Variants in PIK3R3 observed in about 807,000 individuals in gnomAD.
PIK3R3 encodes the protein phosphoinositide-3-kinase regulatory subunit 3.
PIK3R3 carries 64 observed loss-of-function variants against 62.9 expected under a neutral mutation model. The observed-to-expected ratio is 1.02, with a 90% CI of 0.83 to 1.25. PIK3R3 has a LOEUF of 1.25. Ranked by LOEUF, PIK3R3 falls within the 50% of genes most tolerant of loss-of-function variation. The pLI, the probability that PIK3R3 is intolerant of heterozygous loss-of-function variation, is 0.00. For missense variants in PIK3R3, 614 were observed against 561.6 expected (o/e 1.09, Z -0.94); for synonymous variants, 165 against 189.0 (o/e 0.87, Z 1.04).
At chr1:46,132,686 C>G (rs1655738402), upstream of PIK3R3, 2 of 1,289,732 alleles carry the variant, frequency 1.6e-6, no homozygotes, top group Non-Finnish European at 2.0e-6. Context: ...CCTCCCCGCC[C>G]CATGCTGCCC....
the PIK3R3 span, among the ~76,000 whole-genome samples, chr1:46,140,647 G>C: frequency 1.3e-5 from 2 of 152,064 alleles, no homozygotes; most frequent in South Asian, 4.1e-4. Flanking sequence ...CAGTAATAGA[G>C]ATTGGAGTGA....
chr1:46,110,433 G>GC (rs966773259), intron 1 of PIK3R3, among the ~76,000 whole-genome samples: 7 of 151,760 alleles, frequency 4.6e-5, no homozygotes, highest in Non-Finnish European at 1.0e-4. Flanking sequence ...GAGCCACCAC[G>GC]CCCAGCCCAG....
In PIK3R3 at chr1:46,126,011, C is replaced by T. The variant is rs528356928; in HGVS notation, c.106+5836G>A. ...TCCTGACCTCGTAATCCGCCTGCCT[C>T]GGCCTCCCAAAGTGCTGGGATTACA... On this transcript the variant is annotated intron_variant, in intron 1 of 9. Coordinates refer to ENST00000262741, the MANE Select transcript of PIK3R3 (RefSeq NM_003629.4). Among the ~76,000 whole-genome samples the T allele has an allele frequency of 3.9e-5, 6 of 152,180 alleles. No individual in the cohort carries two copies. The East Asian group carries it at 9.7e-4, about 25-fold the overall frequency.
Position 46,055,812 on chromosome 1 carries a change from G to C in PIK3R3, c.924C>G (p.Ile308Met), listed in dbSNP as rs766184940. 3.8e-6 allele frequency: 6 copies of C among 1,573,264 alleles called. No individual in the cohort carries two copies. The highest frequency in any genetic ancestry group is 3.4e-6 in the Non-Finnish European group (4 of 1,161,048). Reference sequence around the variant, plus strand: ...CTACTTACACAAGGTGTTGATCTCGGATCTTTCGCAGCTGGATCAGGTCAG... The same window carrying C: ...CTACTTACACAAGGTGTTGATCTCGCATCTTTCGCAGCTGGATCAGGTCAG... ...IKPDLIQLRKIRDQHLVWLNH... is the reference protein window; with the variant it reads ...IKPDLIQLRKMRDQHLVWLNH... The change falls in exon 7 of 10, where the codon ATC becomes ATG. Residue 308 changes from isoleucine (I) to methionine (M), a missense_variant. Ile to Met is a conservative substitution (Grantham distance 10, BLOSUM62 1). Coordinates refer to ENST00000262741, the MANE Select transcript of PIK3R3 (RefSeq NM_003629.4).
chr1:46,078,416 C>T (rs1650265558), intron 2 of PIK3R3, among the ~76,000 whole-genome samples: 1 of 152,124 alleles, frequency 6.6e-6, no homozygotes, highest in Non-Finnish European at 1.5e-5. Context: ...AGGGCAAGCG[C>T]CTGTAATCCC....
intron 1 of PIK3R3, among the ~76,000 whole-genome samples, chr1:46,089,838 T>C (rs1651447084): frequency 6.6e-6 from 1 of 151,910 alleles, no homozygotes. Flanking sequence ...GTGATATAAA[T>C]ACACTGGAAA....
At chr1:46,050,936 G>A (rs189126659) in intron 7 of PIK3R3, among the ~76,000 whole-genome samples, 1 of 152,256 alleles carries the variant, frequency 6.6e-6, no homozygotes, top group East Asian at 1.9e-4. Context: ...AGTGAAAGAA[G>A]CCAGTCACAA....
chr1:46,089,064 C>A (rs1322855842), intron 1 of PIK3R3, among the ~76,000 whole-genome samples: 3 of 152,114 alleles, frequency 2.0e-5, no homozygotes, highest in African/African-American at 7.2e-5. Context: ...TTCAGATATA[C>A]AAGATCTCAA....
At chr1:46,046,478 C>T in intron 8 of PIK3R3, 73 bp downstream of exon 8, 1 of 963,342 alleles carries the variant, frequency 1.0e-6, no homozygotes, top group Non-Finnish European at 1.7e-6. Flanking sequence ...CCAATATTTA[C>T]CACGTATAAA....
At chr1:46,167,986 T>C in the PIK3R3 span, among the ~76,000 whole-genome samples, 2 of 152,002 alleles carry the variant, frequency 1.3e-5, no homozygotes, top group Non-Finnish European at 2.9e-5. Flanking sequence ...TGAAACCCTG[T>C]CTCTACTAAA....
chr1:46,065,414 A>AG (rs1334408600), intron 5 of PIK3R3, among the ~76,000 whole-genome samples: 1 of 152,236 alleles, frequency 6.6e-6, no homozygotes, highest in Admixed American at 6.5e-5. Context: ...TAAGTCTACT[A>AG]GTAAGCCCAC....
rs1301396023 is a variant in PIK3R3, at chr1:46,042,127, G to A, written c.*1546C>T. 2 of 220,648 alleles carry A rather than the reference G, an allele frequency of 9.1e-6. No individual in the cohort carries two copies. The highest frequency in any genetic ancestry group is 1.8e-5 in the Non-Finnish European group (2 of 110,110). 13.7% of individuals were successfully genotyped at this position (220,648 alleles called of 1,614,324 possible). ...ATTATGGTCCCAGGATTGGCTCAGA[G>A]GCAGCTGGACTCTATTTGTCAAATG... On this transcript the variant is annotated 3_prime_UTR_variant, in exon 10 of 10. Coordinates refer to ENST00000262741, the MANE Select transcript of PIK3R3 (RefSeq NM_003629.4). This position sits in a 1 kb window ranked among gnomAD's most constrained non-coding sequence, Gnocchi z 4.3.
intron 1 of PIK3R3, among the ~76,000 whole-genome samples, chr1:46,127,145 G>A (rs1655161805): frequency 6.6e-6 from 1 of 151,902 alleles, no homozygotes; most frequent in Admixed American, 6.6e-5. Context: ...GGCCAGCCTA[G>A]GCAACATGGC....
intron 1 of PIK3R3, among the ~76,000 whole-genome samples, chr1:46,090,331 TA>T (rs1168559090): frequency 4.1e-4 from 62 of 151,762 alleles, no homozygotes; most frequent in Admixed American, 1.6e-3. Context: ...TTTATTTATT[TA>T]TTTATTTATT....
intron 1 of PIK3R3, among the ~76,000 whole-genome samples, chr1:46,118,142 TAA>T (rs1387598314): frequency 6.6e-6 from 1 of 152,200 alleles, no homozygotes; most frequent in Non-Finnish European, 1.5e-5. Context: ...GGCATTACTT[TAA>T]AAGTTAGACT....
chr1:46,112,282 A>G (rs1557622809), intron 1 of PIK3R3, among the ~76,000 whole-genome samples: 1 of 152,370 alleles, frequency 6.6e-6, no homozygotes, highest in East Asian at 1.9e-4. Context: ...AAATACATAC[A>G]GACTTATAAC....
chr1:46,167,442 T>G, the PIK3R3 span, among the ~76,000 whole-genome samples: 3 of 152,174 alleles, frequency 2.0e-5, no homozygotes, highest in Non-Finnish European at 4.4e-5. Context: ...AGGAGCAGCC[T>G]CCTCCTCTAG....
chr1:46,171,598 T>C, the PIK3R3 span, among the ~76,000 whole-genome samples: 1 of 152,094 alleles, frequency 6.6e-6, no homozygotes, highest in African/African-American at 2.4e-5. Context: ...GCCATTGACC[T>C]ATTAGTGACA....
intron 1 of PIK3R3, among the ~76,000 whole-genome samples, chr1:46,099,583 G>A (rs780072914): frequency 1.3e-5 from 2 of 152,064 alleles, no homozygotes; most frequent in Non-Finnish European, 2.9e-5. Context: ...ATACAAGTAG[G>A]TATTTTTATT....
Sources: gnomAD v4.1 joint callset for allele counts (sites outside exome capture counted in the v4.1 genomes callset) on GRCh38, gnomAD v4.1.1 for gene constraint, Gnocchi (gnomAD v3.1) non-coding constraint, MANE v1.5 for transcripts, NCBI Gene and HGNC (gene_info 2026-07-23, HGNC 2026-07-21) for gene names.